The following HMCN1 variants were observed in gnomAD, a reference collection of about 807,000 sequenced individuals.
HMCN1 encodes the protein hemicentin 1, also known as hemicentin-1.
Under a neutral mutation model 625.9 loss-of-function variants are expected in HMCN1, and 321 were observed. The observed-to-expected ratio is 0.51, with a 90% CI of 0.47 to 0.56. The LOEUF (loss-of-function observed/expected upper bound fraction) is 0.56. Among genes scored for constraint, HMCN1 ranks in the 20% least tolerant of loss-of-function variants. HMCN1 has a pLI of 0.00. For synonymous variants in HMCN1, 2,425 were observed against 2,417.6 expected (o/e 1.00, Z -0.09); for missense variants, 6,588 against 6,887.3 (o/e 0.96, Z 1.54).
intron 25 of HMCN1, among the ~76,000 whole-genome samples, chr1:185,998,679 C>T (rs1233466943): frequency 6.6e-6 from 1 of 152,094 alleles, no homozygotes; most frequent in African/African-American, 2.4e-5. Context: ...CTCTTCCTTA[C>T]TTCCTCATTT....
intron 81 of HMCN1, among the ~76,000 whole-genome samples, chr1:186,125,023 T>A (rs1291245377): frequency 6.6e-6 from 1 of 152,132 alleles, no homozygotes; most frequent in Non-Finnish European, 1.5e-5. Context: ...ACTGTGCAGT[T>A]ATAAAGTCAC....
chr1:186,014,515 A>C (rs1654225702), intron 30 of HMCN1, among the ~76,000 whole-genome samples: 1 of 151,998 alleles, frequency 6.6e-6, no homozygotes, highest in African/African-American at 2.4e-5. Context: ...TAGAATTTGC[A>C]GGAGAGACTG....
At chr1:186,071,878 A>T (rs1405256768) in intron 52 of HMCN1, among the ~76,000 whole-genome samples, 1 of 152,170 alleles carries the variant, frequency 6.6e-6, no homozygotes, top group African/African-American at 2.4e-5. Context: ...GAAATATTTT[A>T]ATCTTTTCTA....
chr1:185,786,471 T>C (rs973507187), intron 1 of HMCN1, among the ~76,000 whole-genome samples: 1 of 152,220 alleles, frequency 6.6e-6, no homozygotes, highest in African/African-American at 2.4e-5. Flanking sequence ...GGCTAAGCTT[T>C]GGATTCAAAT....
rs1055467310 is a variant in HMCN1 at position 186,082,942 on chromosome 1, T to C, written c.8865T>C (p.Tyr2955=). The change falls in exon 57 of 107, where the codon TAT becomes TAC. Residue 2955 remains tyrosine (Y), a synonymous_variant. Transcript: ENST00000271588. ...AENTAGSAKK[Y]FNLNVHVPPS... is the part of the protein sequence containing the mutation. ...ACACAGCTGGGAGTGCCAAAAAATATTTTAACCTCAATGTTCATGGTAAGA... is the reference window on the plus strand; with the variant it reads ...ACACAGCTGGGAGTGCCAAAAAATACTTTAACCTCAATGTTCATGGTAAGA... The C allele has an allele frequency of 4.1e-5, 66 of 1,591,438 alleles. No homozygotes were observed. Among genetic ancestry groups the C allele is most frequent in the Non-Finnish European group, 5.4e-5 (63 of 1,166,090 alleles).
intron 76 of HMCN1, 131 bp from the exon 77 acceptor site, chr1:186,117,328 G>T: frequency 8.3e-7 from 1 of 1,205,772 alleles, no homozygotes; most frequent in East Asian, 2.5e-5. Flanking sequence ...AGAAATAAAA[G>T]GAGGAATCCC....
rs192518754 is a variant in HMCN1, at chr1:185,909,829, C to T, written c.793+321C>T. On this transcript the variant is annotated intron_variant, in intron 5 of 106. Transcript: ENST00000271588. ...TGAGGAGATATTTTACAGTAACTTACTCTGTCAAATTCAGTATTTTACATT... is the reference window on the plus strand; with the variant it reads ...TGAGGAGATATTTTACAGTAACTTATTCTGTCAAATTCAGTATTTTACATT... Among the ~76,000 whole-genome samples the T allele has an allele frequency of 3.9e-5, 6 of 152,176 alleles. No individual in the cohort carries two copies. The East Asian group carries it at 9.7e-4, about 25-fold the overall frequency.
Position 186,106,946 on chromosome 1 carries a change from A to C in HMCN1, c.10833A>C (p.Glu3611Asp), listed in dbSNP as rs769560739. The change falls in exon 70 of 107, where the codon GAA becomes GAC. Residue 3611 changes from glutamate to aspartate, a missense_variant. Around this residue, in one of 3 missense-constraint regions of HMCN1, gnomAD observed 4,628 missense variants for 4,853.1 expected, o/e 0.95. Coordinates refer to ENST00000271588, the MANE Select transcript of HMCN1 (RefSeq NM_031935.3). ...GTCCTGCAGGAGATGATGATAAGGA[A>C]TATCTAGTGAGAGTGCATGGTAAAT... The part of the protein sequence containing the change: ...ASSPAGDDDK[E>D]YLVRVHVPPN... 6.2e-7 allele frequency: 1 copy of C among 1,609,996 alleles called. No homozygotes were observed. Among genetic ancestry groups the C allele is most frequent in the African/African-American group, 1.3e-5 (1 of 74,850 alleles).
rs150125943 is a variant in HMCN1 at position 186,054,419 on chromosome 1, C to T, written c.6862+433C>T. Reference sequence around the variant, plus strand: ...GAGCTGTTATATAAGACAAAACTGTCGCCTCCATTTTGTGTATGTGGAAAT... The same window carrying T: ...GAGCTGTTATATAAGACAAAACTGTTGCCTCCATTTTGTGTATGTGGAAAT... On this transcript the variant is annotated intron_variant, in intron 44 of 106. Coordinates refer to ENST00000271588, the MANE Select transcript of HMCN1 (RefSeq NM_031935.3). Among the ~76,000 whole-genome samples, 18 of 152,068 alleles carry T rather than the reference C, an allele frequency of 1.2e-4. No individual in the cohort carries two copies. The East Asian group carries it at 1.5e-3, about 13-fold the overall frequency.
At chr1:185,933,414 A>T in intron 10 of HMCN1, 135 bp from the exon 11 acceptor site, 2 of 824,808 alleles carry the variant, frequency 2.4e-6, no homozygotes, top group Non-Finnish European at 4.0e-6. Context: ...CATATGCATT[A>T]ATTGAGTAAG....
chr1:186,057,983 A>G (rs191971988), intron 46 of HMCN1, among the ~76,000 whole-genome samples: 1 of 152,144 alleles, frequency 6.6e-6, no homozygotes, highest in Admixed American at 6.6e-5. Context: ...GGCCCATTTT[A>G]TTAATGACTT....
At chr1:185,860,052 C>A (rs1278485735) in intron 2 of HMCN1, among the ~76,000 whole-genome samples, 1 of 152,046 alleles carries the variant, frequency 6.6e-6, no homozygotes, top group African/African-American at 2.4e-5. Context: ...GCTTTTATAA[C>A]AAGATAATAC....
At chr1:186,070,385 C>G (rs1658404172) in intron 51 of HMCN1, among the ~76,000 whole-genome samples, 2 of 152,178 alleles carry the variant, frequency 1.3e-5, no homozygotes, top group Non-Finnish European at 2.9e-5. Flanking sequence ...AGGACATTAG[C>G]TTTATTGGCA....
chr1:186,058,379 G>A (rs997987842), intron 46 of HMCN1, among the ~76,000 whole-genome samples: 5 of 151,914 alleles, frequency 3.3e-5, no homozygotes, highest in Non-Finnish European at 7.4e-5. Flanking sequence ...AATAAGAAAA[G>A]CAAGAGATCG....
intron 2 of HMCN1, among the ~76,000 whole-genome samples, chr1:185,851,974 A>G (rs1289068584): frequency 6.6e-6 from 1 of 152,176 alleles, no homozygotes; most frequent in Non-Finnish European, 1.5e-5. Flanking sequence ...TTGACTTTTT[A>G]AAAAAGTAGG....
At chr1:186,085,664 A>G (rs10911815) in intron 57 of HMCN1, among the ~76,000 whole-genome samples, 94,027 of 151,852 alleles carry the variant, frequency 0.62, 30,553 homozygotes, top group African/African-American at 0.83. Context: ...AAGAGAAAGC[A>G]TATTCTAGAA....
At chr1:185,814,169 G>C (rs896858132) in intron 1 of HMCN1, among the ~76,000 whole-genome samples, 2 of 152,110 alleles carry the variant, frequency 1.3e-5, no homozygotes, top group African/African-American at 4.8e-5. Flanking sequence ...AATAGAAGAG[G>C]CCTTCACAAT....
intron 48 of HMCN1, among the ~76,000 whole-genome samples, chr1:186,064,304 T>A (rs1657965553): frequency 6.6e-6 from 1 of 151,972 alleles, no homozygotes. Flanking sequence ...TTAACATAGA[T>A]CTCATTTGAA....
intron 36 of HMCN1, among the ~76,000 whole-genome samples, chr1:186,036,254 C>T (rs183878073): frequency 3.2e-4 from 49 of 152,204 alleles, no homozygotes; most frequent in African/African-American, 1.2e-3. Flanking sequence ...AGTCCATGTT[C>T]ATGCTGCCGA....
Sources: allele counts gnomAD v4.1 joint callset (sites outside exome capture counted in the v4.1 genomes callset), GRCh38; gene constraint gnomAD v4.1.1; regional missense constraint gnomAD v4.1.1; transcripts MANE v1.5; gene names NCBI Gene and HGNC (gene_info 2026-07-23, HGNC 2026-07-21).